NRG3: variants seen among roughly 807,000 people sequenced by gnomAD.
The protein encoded by NRG3 is neuregulin 3, also known as pro-neuregulin-3, membrane-bound isoform.
Under a neutral mutation model 66.9 loss-of-function variants are expected in NRG3, and 31 were observed. The ratio of observed to expected loss-of-function variants is 0.46; its 90% confidence interval spans 0.35 to 0.63. The LOEUF (loss-of-function observed/expected upper bound fraction) is 0.63. NRG3 is among the 20% of genes least tolerant of loss of function. NRG3 has a pLI of 0.00. For synonymous variants in NRG3, 393 were observed against 359.4 expected (o/e 1.09, Z -1.06); for missense variants, 910 against 878.9 (o/e 1.04, Z -0.45).
intron 2 of NRG3, among the ~76,000 whole-genome samples, chr10:82,552,641 G>A (rs1226459815): frequency 6.6e-6 from 1 of 152,116 alleles, no homozygotes; most frequent in Non-Finnish European, 1.5e-5. Flanking sequence ...TGCAATAGAA[G>A]TCAGGGCTAC....
chr10:81,988,964 T>G (rs1344739270), intron 1 of NRG3, among the ~76,000 whole-genome samples: 1 of 152,054 alleles, frequency 6.6e-6, no homozygotes, highest in East Asian at 1.9e-4. Flanking sequence ...GGAGGCCAGT[T>G]AGGAGACTGT....
At chr10:82,295,363 G>A (rs2079998739) in intron 1 of NRG3, among the ~76,000 whole-genome samples, 1 of 152,146 alleles carries the variant, frequency 6.6e-6, no homozygotes, top group Admixed American at 6.6e-5. Flanking sequence ...AGAGTGGCAG[G>A]TGCATTGTAG....
chr10:82,757,031 G>A (rs1018659059), intron 3 of NRG3, among the ~76,000 whole-genome samples: 86 of 152,068 alleles, frequency 5.7e-4, no homozygotes, highest in African/African-American at 2.0e-3. Context: ...AAACAAAACT[G>A]TTTTCCTCTC....
At chr10:82,440,469 T>C (rs1302584084) in intron 2 of NRG3, among the ~76,000 whole-genome samples, 2 of 151,886 alleles carry the variant, frequency 1.3e-5, no homozygotes, top group Non-Finnish European at 2.9e-5. Flanking sequence ...TAATTCTCCA[T>C]CCTGTTATTT....
intron 1 of NRG3, among the ~76,000 whole-genome samples, chr10:82,307,145 C>G (rs2080785786): frequency 6.6e-6 from 1 of 151,886 alleles, no homozygotes; most frequent in Non-Finnish European, 1.5e-5. Context: ...ATTGTACTCT[C>G]TATTAAAGGG....
At chr10:81,988,552 G>T (rs1196979172) in intron 1 of NRG3, among the ~76,000 whole-genome samples, 1 of 152,136 alleles carries the variant, frequency 6.6e-6, no homozygotes, top group Non-Finnish European at 1.5e-5. Context: ...AGAGAAATGG[G>T]ATATCAATCC....
intron 1 of NRG3, among the ~76,000 whole-genome samples, chr10:82,046,798 A>G (rs1352988285): frequency 1.0e-4 from 12 of 118,008 alleles, no homozygotes; most frequent in Admixed American, 5.2e-4. Flanking sequence ...AATTTTGTCA[A>G]AGGCCTTTTC....
At chr10:82,271,946 C>T (rs1296289720) in intron 1 of NRG3, among the ~76,000 whole-genome samples, 1 of 151,846 alleles carries the variant, frequency 6.6e-6, no homozygotes, top group African/African-American at 2.4e-5. Context: ...TTCATGGGGC[C>T]AAGGTTCTAT....
intron 1 of NRG3, among the ~76,000 whole-genome samples, chr10:81,910,588 C>A (rs1029169959): frequency 2.0e-5 from 3 of 152,106 alleles, no homozygotes; most frequent in Admixed American, 1.3e-4. Flanking sequence ...GTCAAGGAAG[C>A]CTTCTTCATT....
chr10:82,782,209 G>A (rs185258871), intron 3 of NRG3, among the ~76,000 whole-genome samples: 3 of 152,224 alleles, frequency 2.0e-5, no homozygotes, highest in Non-Finnish European at 4.4e-5. Flanking sequence ...AGTCATGAGG[G>A]CTCTGCCCTT....
chr10:81,970,506 T>C (rs1225345495), intron 1 of NRG3, among the ~76,000 whole-genome samples: 1 of 152,240 alleles, frequency 6.6e-6, no homozygotes, highest in East Asian at 1.9e-4. Flanking sequence ...TAATTCTCTA[T>C]TATTTCCGTA....
chr10:82,318,983 G>GA (rs749285958), intron 1 of NRG3, among the ~76,000 whole-genome samples: 4 of 152,034 alleles, frequency 2.6e-5, no homozygotes, highest in Non-Finnish European at 5.9e-5. Context: ...TCCTTGTGCA[G>GA]AAAAAACAGA....
intron 2 of NRG3, among the ~76,000 whole-genome samples, chr10:82,372,079 G>A (rs1350231168): frequency 6.6e-6 from 1 of 152,146 alleles, no homozygotes; most frequent in Non-Finnish European, 1.5e-5. Flanking sequence ...ATGAAGCCAG[G>A]ACGGGCTTCA....
chr10:82,494,019 C>G (rs535480031), intron 2 of NRG3, among the ~76,000 whole-genome samples: 31 of 152,196 alleles, frequency 2.0e-4, no homozygotes, highest in Non-Finnish European at 4.0e-4. Flanking sequence ...TAGAGAAATG[C>G]AAATCAAAAC....
At chr10:82,307,886 T>C (rs960282716) in intron 1 of NRG3, among the ~76,000 whole-genome samples, 1 of 152,038 alleles carries the variant, frequency 6.6e-6, no homozygotes, top group Non-Finnish European at 1.5e-5. Context: ...ATTTATGCTG[T>C]GTAGGTTTTT....
At chr10:82,873,213 G>A (rs1841502504) in intron 4 of NRG3, among the ~76,000 whole-genome samples, 1 of 152,096 alleles carries the variant, frequency 6.6e-6, no homozygotes, top group Admixed American at 6.5e-5. Context: ...AAAGTTAACT[G>A]ACATAATTAG....
chr10:82,792,833 A>C (rs1464061536), intron 3 of NRG3, among the ~76,000 whole-genome samples: 2 of 152,072 alleles, frequency 1.3e-5, no homozygotes, highest in African/African-American at 4.8e-5. Context: ...GACATGTGCC[A>C]CAACGCCCAG....
intron 2 of NRG3, among the ~76,000 whole-genome samples, chr10:82,552,385 C>A (rs1160204096): frequency 1.3e-5 from 2 of 152,136 alleles, no homozygotes; most frequent in South Asian, 2.1e-4. Context: ...TTATTTGATG[C>A]ATTTTAATAC....
chr10:82,699,619 A>C (rs2055692283), intron 2 of NRG3, among the ~76,000 whole-genome samples: 1 of 151,924 alleles, frequency 6.6e-6, no homozygotes, highest in Non-Finnish European at 1.5e-5. Flanking sequence ...GTCGATCTCT[A>C]ATGGCTCTGA....
Sources: gnomAD v4.1 joint callset for allele counts (sites outside exome capture counted in the v4.1 genomes callset) on GRCh38, gnomAD v4.1.1 for gene constraint, MANE v1.5 for transcripts, NCBI Gene and HGNC (gene_info 2026-07-23, HGNC 2026-07-21) for gene names.